Variants in ARIH2 observed in about 807,000 individuals in gnomAD.
The protein encoded by ARIH2 is E3 ubiquitin-protein ligase ARIH2.
Under a neutral mutation model 79.8 loss-of-function variants are expected in ARIH2, and 12 were observed. The ratio of observed to expected loss-of-function variants is 0.15; its 90% CI spans 0.10 to 0.24. The LOEUF is 0.24. Among genes scored for constraint, ARIH2 ranks in the 10% least tolerant of loss-of-function variants. ARIH2 has a pLI of 1.00. For missense variants in ARIH2, 301 were observed against 618.3 expected, an observed-to-expected ratio of 0.49 and a Z score of 5.44; for synonymous variants, 224 against 213.9, an observed-to-expected ratio of 1.05 and a Z score of -0.41.
At chr3:48,974,390 C>A (rs569975621) in intron 9 of ARIH2, among the ~76,000 whole-genome samples, 1 of 152,356 alleles carries the variant, frequency 6.6e-6, no homozygotes, top group South Asian at 2.1e-4. Flanking sequence ...TGGCATCTCT[C>A]AAATGGGAGA....
At position 48,927,394 on chromosome 3, in the gene ARIH2, C is replaced by T. The variant is rs2085768806; in HGVS notation, c.-97-68C>T. 6 of 815,558 alleles carry T rather than the reference C, an allele frequency of 7.4e-6. No individual in the cohort carries two copies. In the Admixed American group the frequency reaches 8.8e-5, roughly 12 times the overall value. The allele number at this position is 815,558 out of a possible 1,614,324, so 50.5% of individuals were successfully genotyped here. On this transcript the variant is annotated intron_variant, in intron 2 of 15. Transcript: ENST00000356401. ...GGGCCAGGACTGTCCCATTTTGATT[C>T]TTGAATGGTTTCTGTTACAACTTGT...
intron 2 of ARIH2, among the ~76,000 whole-genome samples, chr3:48,926,451 G>C (rs1403807819): frequency 2.0e-5 from 3 of 151,824 alleles, no homozygotes; most frequent in Non-Finnish European, 4.4e-5. Context: ...TGTATTTTTA[G>C]TAGAGACAGG....
At chr3:48,947,663 A>G (rs2089376790) in intron 3 of ARIH2, among the ~76,000 whole-genome samples, 1 of 152,222 alleles carries the variant, frequency 6.6e-6, no homozygotes, top group Admixed American at 6.5e-5. Context: ...ATGCAGTAAT[A>G]TAAGGGTCAA....
chr3:48,961,643 T>G lies in ARIH2; in HGVS notation c.287T>G (p.Val96Gly). 1 of 1,610,668 alleles carries G rather than the reference T, an allele frequency of 6.2e-7. No individual in the cohort carries two copies. Among genetic ancestry groups the G allele is most frequent in the Non-Finnish European group, 8.5e-7 (1 of 1,176,972 alleles). Reference sequence around the variant, plus strand: ...CATTCAGTTGCTAAACTTATATTAGTTAATTTCCACTGGCAAGTTTCAGAG... The same window carrying G: ...CATTCAGTTGCTAAACTTATATTAGGTAATTTCCACTGGCAAGTTTCAGAG... ...VSHSVAKLILVNFHWQVSEIL... is the reference protein window; with the variant it reads ...VSHSVAKLILGNFHWQVSEIL... Residue 96 changes from valine to glycine, a missense_variant, in exon 4 of 16, where the codon GTT becomes GGT. Val to Gly is a moderately radical substitution (Grantham distance 109). Around this residue, in one of 2 missense-constraint regions of ARIH2, gnomAD observed 223 missense variants for 349.4 expected, o/e 0.64. Transcript: ENST00000356401.
At chr3:48,943,245 T>C (rs1175517145) in intron 3 of ARIH2, 2 of 152,246 alleles carry the variant, frequency 1.3e-5, no homozygotes, top group African/African-American at 4.8e-5. Flanking sequence ...GATTTCCTTA[T>C]TGTTCCTCTC....
At chr3:48,953,446 C>G (rs1358205020) in intron 3 of ARIH2, among the ~76,000 whole-genome samples, 1 of 152,068 alleles carries the variant, frequency 6.6e-6, no homozygotes, top group Non-Finnish European at 1.5e-5. Flanking sequence ...CTCTGTCTCC[C>G]AGGCTGGAGG....
At chr3:48,964,568 G>A (rs984193754) in intron 4 of ARIH2, among the ~76,000 whole-genome samples, 1 of 152,130 alleles carries the variant, frequency 6.6e-6, no homozygotes, top group Non-Finnish European at 1.5e-5. Context: ...GCCCGCCTCG[G>A]CCTCCCAAAG....
intron 14 of ARIH2, 134 bp from the exon 15 acceptor site, chr3:48,982,762 A>G: frequency 1.5e-6 from 1 of 678,902 alleles, no homozygotes; most frequent in East Asian, 2.6e-5. Context: ...GAATAACACT[A>G]CTTTCTGAGG....
intron 3 of ARIH2, among the ~76,000 whole-genome samples, chr3:48,928,238 T>C (rs1307451898): frequency 6.6e-6 from 1 of 152,244 alleles, no homozygotes; most frequent in Non-Finnish European, 1.5e-5. Flanking sequence ...TTGCCCTGAA[T>C]AGTCATTGCC....
intron 13 of ARIH2, 36 bp downstream of exon 13, chr3:48,980,532 G>C (rs1335112811): frequency 1.4e-5 from 22 of 1,607,876 alleles, no homozygotes; most frequent in African/African-American, 2.7e-5. Flanking sequence ...CCCTGGTCCA[G>C]TGCCTGGCTC....
chr3:48,948,165 G>C (rs539593557), intron 3 of ARIH2, among the ~76,000 whole-genome samples: 36 of 152,082 alleles, frequency 2.4e-4, no homozygotes, highest in African/African-American at 7.7e-4. Flanking sequence ...GTTTCACCAT[G>C]TTAGCCAGGA....
chr3:48,977,423 G>A lies in ARIH2; in HGVS notation c.962-2059G>A, dbSNP rs1002825147. 1.1e-4 allele frequency among the ~76,000 whole-genome samples: 17 copies of A among 149,182 alleles called. 1 individual carries two copies. Among genetic ancestry groups the A allele is most frequent in the South Asian group, 6.4e-4 (3 of 4,654 alleles). ...CAGGTTCAAGCAATTATCCTTGCTC[G>A]GCCTCCTGAGTAGCTGGAACTGCAG... On this transcript the variant is annotated intron_variant, in intron 11 of 15. Coordinates refer to ENST00000356401, the MANE Select transcript of ARIH2 (RefSeq NM_006321.4).
chr3:48,943,194 T>C (rs2088596453), intron 3 of ARIH2: 1 of 152,186 alleles, frequency 6.6e-6, no homozygotes, highest in South Asian at 2.1e-4. Flanking sequence ...TTTATTTTGC[T>C]CTGTTGAAAA....
intron 3 of ARIH2, chr3:48,945,314 C>A: frequency 1.4e-6 from 1 of 706,308 alleles, no homozygotes; most frequent in Non-Finnish European, 2.1e-6. Flanking sequence ...CTAGAGGAGA[C>A]TAAAAAGATA....
At chr3:48,953,464 T>C (rs1424301816) in intron 3 of ARIH2, among the ~76,000 whole-genome samples, 3 of 152,044 alleles carry the variant, frequency 2.0e-5, no homozygotes, top group Non-Finnish European at 4.4e-5. Flanking sequence ...AGGGCAGTGG[T>C]GCGACCTCGG....
intron 3 of ARIH2, among the ~76,000 whole-genome samples, chr3:48,938,496 G>A (rs1187275878): frequency 6.6e-6 from 1 of 152,066 alleles, no homozygotes; most frequent in African/African-American, 2.4e-5. Context: ...ACCCAAAGGG[G>A]AGAAACATAA....
At chr3:48,924,158 C>A (rs561847887) in intron 2 of ARIH2, among the ~76,000 whole-genome samples, 1 of 152,070 alleles carries the variant, frequency 6.6e-6, no homozygotes, top group Admixed American at 6.6e-5. Flanking sequence ...AGACTGGTTA[C>A]AAATTCTTTT....
At chr3:48,980,618 C>A in intron 13 of ARIH2, 122 bp downstream of exon 13, 2 of 1,154,974 alleles carry the variant, frequency 1.7e-6, no homozygotes, top group Non-Finnish European at 2.4e-6. Context: ...GCCTTTCATG[C>A]TTCTGCTTGT....
chr3:48,928,654 T>C lies in ARIH2; in HGVS notation c.255+841T>C, dbSNP rs182471132. Among the ~76,000 whole-genome samples the C allele has an allele frequency of 2.8e-3, 431 of 152,308 alleles. 7 individuals carry two copies. The Middle Eastern group carries it at 0.037, about 13-fold the overall frequency. ...CATGATGTCAACCAAATAAATTTTA[T>C]TGGAACTTAAACAGAAATAACTAAG... is the stretch of plus-strand genomic sequence containing the variant. On this transcript the variant is annotated intron_variant, in intron 3 of 15. Coordinates refer to ENST00000356401, the MANE Select transcript of ARIH2 (RefSeq NM_006321.4).
Sources: gnomAD v4.1 joint callset for allele counts (sites outside exome capture counted in the v4.1 genomes callset) on GRCh38, gnomAD v4.1.1 for gene constraint, gnomAD v4.1.1 regional missense constraint, MANE v1.5 for transcripts, NCBI Gene and HGNC (gene_info 2026-07-23, HGNC 2026-07-21) for gene names.